MPDZ: variants seen among roughly 807,000 people sequenced by gnomAD.
MPDZ encodes the protein multiple PDZ domain protein.
MPDZ carries 234 observed loss-of-function variants against 239.1 expected under a neutral mutation model. The ratio of observed to expected loss-of-function variants is 0.98; its 90% CI spans 0.88 to 1.09. The LOEUF (loss-of-function observed/expected upper bound fraction) is 1.09, where lower values mean the gene tolerates loss of function less well. MPDZ is among the 50% of genes least tolerant of loss of function. The pLI is 0.00. For synonymous variants in MPDZ, 1,048 were observed against 881.3 expected, an observed-to-expected ratio of 1.19 and a Z score of -3.35; for missense variants, 3,175 against 2,510.0, an observed-to-expected ratio of 1.26 and a Z score of -5.66.
chr9:13,169,626 A>T (rs1951529164), intron 21 of MPDZ, among the ~76,000 whole-genome samples: 2 of 152,078 alleles, frequency 1.3e-5, no homozygotes, highest in Non-Finnish European at 2.9e-5. Flanking sequence ...TTCAATGCAT[A>T]CTTCCCTCAG....
At chr9:13,181,477 G>A (rs917995575) in intron 19 of MPDZ, among the ~76,000 whole-genome samples, 3 of 152,078 alleles carry the variant, frequency 2.0e-5, no homozygotes, top group African/African-American at 4.8e-5. Flanking sequence ...ATTTTACCAC[G>A]ATGCAGGAAC....
chr9:13,273,451 G>GT (rs756712922), intron 1 of MPDZ, among the ~76,000 whole-genome samples: 15 of 152,222 alleles, frequency 9.9e-5, no homozygotes, highest in Non-Finnish European at 1.8e-4. Flanking sequence ...AGCCACCTGA[G>GT]TACACAATAT....
chr9:13,176,019 T>C, intron 20 of MPDZ, 117 bp downstream of exon 20: 3 of 1,420,874 alleles, frequency 2.1e-6, no homozygotes, highest in East Asian at 5.0e-5. Context: ...TAGGTTGCCT[T>C]CTGAAAATCT....
Position 13,190,147 on chromosome 9 carries a change from G to A in MPDZ, c.2121C>T (p.Ser707=). The part of the protein sequence containing the change: ...GIQHIELEKG[S]KGLGFSILDY... ...CTAAAATGCTAAAACCAAGTCCTTT[G>A]CTCCCTTTCTCCAGCTCTATGTGCT... is the stretch of plus-strand genomic sequence containing the variant. The change falls in exon 16 of 47, where the codon AGC becomes AGT. Residue 707 remains serine (S), a synonymous_variant. Transcript: ENST00000319217. 6.2e-7 allele frequency: 1 copy of A among 1,613,020 alleles called. No individual in the cohort carries two copies. The highest frequency in any genetic ancestry group is 8.5e-7 in the Non-Finnish European group (1 of 1,179,482).
intron 27 of MPDZ, among the ~76,000 whole-genome samples, chr9:13,142,421 C>G (rs971795567): frequency 6.6e-6 from 1 of 152,108 alleles, no homozygotes. Context: ...TCATTCTCAT[C>G]AAGATCATGT....
At chr9:13,119,343 C>T (rs1943980512) in intron 39 of MPDZ, among the ~76,000 whole-genome samples, 159 bp downstream of exon 39, 1 of 152,166 alleles carries the variant, frequency 6.6e-6, no homozygotes, top group Non-Finnish European at 1.5e-5. Flanking sequence ...CCATGGCCTC[C>T]CAAAATGCTG....
chr9:13,158,703 G>T (rs1482968304), intron 23 of MPDZ, among the ~76,000 whole-genome samples: 1 of 152,148 alleles, frequency 6.6e-6, no homozygotes, highest in Non-Finnish European at 1.5e-5. Context: ...AGTTTACAAC[G>T]CGTCTGTGTT....
At chr9:13,265,237 C>A (rs1270175272) in intron 1 of MPDZ, among the ~76,000 whole-genome samples, 1 of 152,188 alleles carries the variant, frequency 6.6e-6, no homozygotes, top group Non-Finnish European at 1.5e-5. Flanking sequence ...TTTTGCCTGC[C>A]TGGAATGAGG....
intron 7 of MPDZ, among the ~76,000 whole-genome samples, chr9:13,220,469 G>C (rs1159901683): frequency 6.6e-6 from 1 of 151,814 alleles, no homozygotes; most frequent in Non-Finnish European, 1.5e-5. Flanking sequence ...AATTTTAAAG[G>C]TGATATGCAG....
chr9:13,156,834 C>T (rs930502882), intron 24 of MPDZ, among the ~76,000 whole-genome samples: 2 of 152,118 alleles, frequency 1.3e-5, no homozygotes, highest in Non-Finnish European at 2.9e-5. Flanking sequence ...CTACCTCTAT[C>T]CACAAATAAA....
intron 10 of MPDZ, among the ~76,000 whole-genome samples, chr9:13,209,875 C>T (rs904676792): frequency 2.6e-5 from 4 of 151,488 alleles, no homozygotes; most frequent in Non-Finnish European, 5.9e-5. Context: ...AAGAATAAAC[C>T]GATAAAAAAT....
chr9:13,268,747 G>A (rs545147717), intron 1 of MPDZ, among the ~76,000 whole-genome samples: 1 of 152,282 alleles, frequency 6.6e-6, no homozygotes, highest in East Asian at 1.9e-4. Context: ...AAACCATAAA[G>A]AACCCAGATA....
chr9:13,112,326 A>G (rs554300494), intron 42 of MPDZ, among the ~76,000 whole-genome samples, 180 bp from the exon 43 acceptor site: 18 of 152,348 alleles, frequency 1.2e-4, no homozygotes, highest in African/African-American at 4.3e-4. Flanking sequence ...GCTTAGGAAA[A>G]TAAGCATCTG....
intron 3 of MPDZ, among the ~76,000 whole-genome samples, chr9:13,232,240 T>C (rs1202600561): frequency 6.6e-6 from 1 of 152,164 alleles, no homozygotes; most frequent in Non-Finnish European, 1.5e-5. Context: ...AGTTGGTGGA[T>C]GTAAAATCAA....
rs1441097040 is a variant in MPDZ, at chr9:13,226,644, C to T, written c.184-2061G>A. ...TCTAAGACAGCACCATTATACTCCACGAACTTACTGTGCCCTGTTTTAATT... is the reference window on the plus strand; with the variant it reads ...TCTAAGACAGCACCATTATACTCCATGAACTTACTGTGCCCTGTTTTAATT... On this transcript the variant is annotated intron_variant, in intron 3 of 46. Transcript: ENST00000319217. Among the ~76,000 whole-genome samples, 9 of 152,214 alleles carry T rather than the reference C, an allele frequency of 5.9e-5. No homozygotes were observed. The East Asian group carries it at 9.7e-4, about 16-fold the overall frequency.
intron 13 of MPDZ, among the ~76,000 whole-genome samples, chr9:13,195,385 C>T (rs936710198): frequency 2.0e-5 from 3 of 152,080 alleles, no homozygotes; most frequent in Non-Finnish European, 2.9e-5. Flanking sequence ...GCTATAAACG[C>T]TAGTTATTAA....
chr9:13,212,124 T>A (rs1044148077), intron 10 of MPDZ, among the ~76,000 whole-genome samples: 1 of 152,098 alleles, frequency 6.6e-6, no homozygotes. Flanking sequence ...TTTAGAAAAA[T>A]CTAATGTGTA....
intron 15 of MPDZ, among the ~76,000 whole-genome samples, chr9:13,190,569 G>A (rs904399278): frequency 6.6e-6 from 1 of 152,070 alleles, no homozygotes; most frequent in Non-Finnish European, 1.5e-5. Flanking sequence ...TCGACAGCAG[G>A]ATTGTGCGTG....
intron 27 of MPDZ, among the ~76,000 whole-genome samples, chr9:13,142,836 C>T (rs1947908930): frequency 1.3e-5 from 2 of 152,098 alleles, no homozygotes; most frequent in South Asian, 4.1e-4. Flanking sequence ...TTGTTGATGG[C>T]TTTCTTCCTT....
Sources: allele counts gnomAD v4.1 joint callset (sites outside exome capture counted in the v4.1 genomes callset), GRCh38; gene constraint gnomAD v4.1.1; transcripts MANE v1.5; gene names NCBI Gene and HGNC (gene_info 2026-07-23, HGNC 2026-07-21).